Variants in HABP4 observed in about 807,000 individuals in gnomAD.
The protein encoded by HABP4 is hyaluronan binding protein 4.
Under a neutral mutation model 44.1 loss-of-function variants are expected in HABP4, and 32 were observed. The ratio of observed to expected loss-of-function variants is 0.73; its 90% confidence interval spans 0.55 to 0.97. HABP4 has a LOEUF of 0.97. Ranked by LOEUF, HABP4 falls within the 50% of genes least tolerant of loss-of-function variation. The probability of loss-of-function intolerance (pLI) is 0.00; values close to 1 mark genes in which losing one functional copy is unlikely to be tolerated. For synonymous variants in HABP4, 216 were observed against 218.0 expected (o/e 0.99, Z 0.08); for missense variants, 503 against 561.9 (o/e 0.90, Z 1.06).
intron 5 of HABP4, chr9:96,484,223 C>CATTAAAAA: frequency 2.6e-6 from 1 of 377,426 alleles, no homozygotes; most frequent in South Asian, 4.4e-5. Flanking sequence ...TGGTGATGTT[C>CATTAAAAA]CCATTTTTCA....
At position 96,471,073 on chromosome 9, in the gene HABP4, C is replaced by T. The variant is rs770074925; in HGVS notation, c.806C>T (p.Pro269Leu). ...GTGGTGGAGGAGTCCCAGGGCACCC[C>T]GGAAGAGGAGTCTCCAGCCAAGTAG... Reference protein sequence around the residue: ...PTVVEESQGTPEEESPAKVPE... With the variant: ...PTVVEESQGTLEEESPAKVPE... The change falls in exon 5 of 8, where the codon CCG becomes CTG. Residue 269 changes from proline (P) to leucine (L), a missense_variant. This residue lies in a region of HABP4 where 131 missense variants were observed against 189.8 expected (regional missense o/e 0.69). Transcript: ENST00000375249. The T allele has an allele frequency of 1.5e-5, 24 of 1,589,876 alleles. No homozygotes were observed. Among genetic ancestry groups the T allele is most frequent in the African/African-American group, 6.7e-5 (5 of 74,336 alleles).
intron 1 of HABP4, 119 bp from the exon 2 acceptor site, chr9:96,458,260 T>C: frequency 9.6e-7 from 1 of 1,044,932 alleles, no homozygotes; most frequent in Non-Finnish European, 1.5e-6. Context: ...CTAAACTTCC[T>C]GAATTCTCCT....
intron 1 of HABP4, among the ~76,000 whole-genome samples, chr9:96,456,775 AAAAAAATATATATATAT>A (rs1832392062): frequency 1.4e-5 from 1 of 69,038 alleles, no homozygotes; most frequent in African/African-American, 6.3e-5. Context: ...AAAAAAAAAA[AAAAAAATATATATATAT>A]ATATATATAT....
At chr9:96,480,211 C>T (rs1289292519) in intron 5 of HABP4, among the ~76,000 whole-genome samples, 1 of 151,984 alleles carries the variant, frequency 6.6e-6, no homozygotes, top group African/African-American at 2.4e-5. Flanking sequence ...CTATCTCTAT[C>T]GGTGCTATGC....
chr9:96,458,611 T>C, intron 2 of HABP4, 70 bp downstream of exon 2: 1 of 1,041,354 alleles, frequency 9.6e-7, no homozygotes, highest in Non-Finnish European at 1.4e-6. Flanking sequence ...TACTTTCTTT[T>C]TCTTTTCTTT....
intron 5 of HABP4, among the ~76,000 whole-genome samples, chr9:96,480,797 C>T (rs1209155915): frequency 2.0e-5 from 3 of 152,156 alleles, no homozygotes; most frequent in Non-Finnish European, 4.4e-5. Flanking sequence ...AATGCATGTA[C>T]TTGTGGAATC....
In HABP4 at chr9:96,471,306, C is replaced by G. The variant is rs547102494; in HGVS notation, c.827+212C>G. On this transcript the variant is annotated intron_variant, in intron 5 of 7. Coordinates refer to ENST00000375249, the MANE Select transcript of HABP4 (RefSeq NM_014282.4). ...AATAGGCGTGCGCCACCACGCCCAGCTAATTTTTGCATTTTTAGTAGAGAT... is the reference window on the plus strand; with the variant it reads ...AATAGGCGTGCGCCACCACGCCCAGGTAATTTTTGCATTTTTAGTAGAGAT... 4.6e-5 allele frequency among the ~76,000 whole-genome samples: 7 copies of G among 152,244 alleles called. No individual in the cohort carries two copies. The East Asian group carries it at 1.4e-3, about 29-fold the overall frequency.
In HABP4 at chr9:96,490,182, A is replaced by G. The variant is rs1057687; in HGVS notation, c.*144A>G. On this transcript the variant is annotated 3_prime_UTR_variant, in exon 8 of 8. Coordinates refer to ENST00000375249, the MANE Select transcript of HABP4 (RefSeq NM_014282.4). The stretch of plus-strand genomic sequence containing the variant: ...AAATTTGTTGCACTTTTTTGGGCTG[A>G]GCTGTTAGAGGGGCTTCTCCAGAGG... The G allele has an allele frequency of 0.2, 128,158 of 651,382 alleles. 17,624 individuals are homozygous for G. Among genetic ancestry groups the G allele is most frequent in the African/African-American group, 0.56 (31,253 of 55,456 alleles). The allele number at this position is 651,382 out of a possible 1,614,324, so 40.4% of individuals were successfully genotyped here. A position where few individuals can be genotyped will look rare whatever the true frequency, so the allele number is the denominator to read the frequency against.
chr9:96,459,983 G>A (rs1832471784), intron 2 of HABP4, among the ~76,000 whole-genome samples: 1 of 152,146 alleles, frequency 6.6e-6, no homozygotes, highest in Non-Finnish European at 1.5e-5. Context: ...AAAGCTTCTT[G>A]TAGCAGAGCT....
chr9:96,463,455 A>G lies in HABP4; in HGVS notation c.513-1882A>G, dbSNP rs547039347. On this transcript the variant is annotated intron_variant, in intron 2 of 7. Coordinates refer to ENST00000375249, the MANE Select transcript of HABP4 (RefSeq NM_014282.4). ...TTTTTAGTAGAGATGGGGTCTCACC[A>G]TATTGGCCAGGCTGGTCTCAAACTC... Among the ~76,000 whole-genome samples the G allele has an allele frequency of 2.6e-5, 4 of 152,144 alleles. No homozygotes were observed. The East Asian group carries it at 5.8e-4, about 22-fold the overall frequency.
At chr9:96,487,090 C>T (rs1165835308) in intron 6 of HABP4, among the ~76,000 whole-genome samples, 1 of 152,018 alleles carries the variant, frequency 6.6e-6, no homozygotes, top group African/African-American at 2.4e-5. Context: ...ATCCAACTAC[C>T]TAAAGCCTCT....
intron 1 of HABP4, among the ~76,000 whole-genome samples, chr9:96,456,411 A>T (rs554966600): frequency 6.6e-6 from 1 of 152,148 alleles, no homozygotes; most frequent in Non-Finnish European, 1.5e-5. Context: ...GTGTATCTAC[A>T]TATATTCCTT....
intron 1 of HABP4, among the ~76,000 whole-genome samples, chr9:96,455,823 G>T (rs1203542549): frequency 6.6e-6 from 1 of 151,406 alleles, no homozygotes; most frequent in Non-Finnish European, 1.5e-5. Context: ...GGGAGGCCGA[G>T]ACCGGTGGAT....
At chr9:96,458,321 A>G in intron 1 of HABP4, 58 bp from the exon 2 acceptor site, 1 of 1,462,162 alleles carries the variant, frequency 6.8e-7, no homozygotes, top group Non-Finnish European at 9.6e-7. Flanking sequence ...GTAAAGTTTA[A>G]TAGTGTGCTG....
intron 4 of HABP4, among the ~76,000 whole-genome samples, chr9:96,467,875 C>T (rs1832629494): frequency 6.6e-6 from 1 of 152,146 alleles, no homozygotes; most frequent in African/African-American, 2.4e-5. Flanking sequence ...TCTAATACTA[C>T]CACTTCATTT....
intron 2 of HABP4, among the ~76,000 whole-genome samples, chr9:96,464,361 A>G (rs1176543383): frequency 3.9e-5 from 6 of 152,226 alleles, no homozygotes; most frequent in Non-Finnish European, 8.8e-5. Context: ...TGGGCAACAG[A>G]GCAAGGCTCT....
At chr9:96,470,985 C>G in intron 4 of HABP4, 26 bp from the exon 5 acceptor site, 1 of 1,337,846 alleles carries the variant, frequency 7.5e-7, no homozygotes, top group Non-Finnish European at 1.1e-6. Flanking sequence ...ATTTGTGTGA[C>G]TAGAGAGGGT....
chr9:96,487,695 CTT>C (rs11432941), intron 6 of HABP4, among the ~76,000 whole-genome samples: 2 of 151,956 alleles, frequency 1.3e-5, no homozygotes, highest in Non-Finnish European at 2.9e-5. Flanking sequence ...GAAATGAAAA[CTT>C]TTTTATCTCA....
intron 5 of HABP4, among the ~76,000 whole-genome samples, chr9:96,475,935 C>T (rs1277099601): frequency 6.6e-6 from 1 of 151,914 alleles, no homozygotes; most frequent in Non-Finnish European, 1.5e-5. Context: ...GTTAAATATC[C>T]GATTAGTAAA....
Sources: gnomAD v4.1 joint callset for allele counts (sites outside exome capture counted in the v4.1 genomes callset) on GRCh38, gnomAD v4.1.1 for gene constraint, gnomAD v4.1.1 regional missense constraint, MANE v1.5 for transcripts, NCBI Gene and HGNC (gene_info 2026-07-23, HGNC 2026-07-21) for gene names.